Variants in FGD4 observed in about 807,000 individuals in gnomAD.
FGD4 encodes FYVE, RhoGEF and PH domain containing 4, also known as FYVE, RhoGEF and PH domain-containing protein 4.
In FGD4, 42 loss-of-function variants were observed where a neutral mutation model predicts 102.0. The observed-to-expected ratio is 0.41, with a 90% CI of 0.32 to 0.53. The LOEUF (loss-of-function observed/expected upper bound fraction) is 0.53. Among genes scored for constraint, FGD4 ranks in the 20% least tolerant of loss-of-function variants. FGD4 has a pLI of 0.21. For synonymous variants in FGD4, 380 were observed against 375.7 expected (o/e 1.01, Z -0.13); for missense variants, 902 against 1,078.2 (o/e 0.84, Z 2.29).
At chr12:32,631,567 C>G (rs140303080) in intron 14 of FGD4, among the ~76,000 whole-genome samples, 2,479 of 147,088 alleles carry the variant, frequency 0.017, 65 homozygotes, top group African/African-American at 0.059. Flanking sequence ...TGCACTGGCG[C>G]GATCTTGGCT....
At chr12:32,597,055 T>C (rs1947962417) in intron 4 of FGD4, among the ~76,000 whole-genome samples, 1 of 152,000 alleles carries the variant, frequency 6.6e-6, no homozygotes, top group Admixed American at 6.6e-5. Context: ...ACTGACAAAA[T>C]ACAAAAATAA....
In FGD4 at chr12:32,620,520, C is replaced by CTTTCTTTCTTTCT. The variant is rs1949747434; in HGVS notation, c.1922+653_1922+654insCTTTCTTTCTTTT. 5.0e-4 allele frequency among the ~76,000 whole-genome samples: 46 copies of CTTTCTTTCTTTCT among 91,112 alleles called. 1 individual carries two copies. Among genetic ancestry groups the CTTTCTTTCTTTCT allele is most frequent in the Middle Eastern group, 6.3e-3 (1 of 158 alleles). The allele number at this position is 91,112 out of a possible 152,430, so 59.8% of individuals were successfully genotyped here. A position where few individuals can be genotyped will look rare whatever the true frequency, so the allele number is the denominator to read the frequency against. ...CTAGCCATAACCATTTTTTTTCTTTCTTTTTTTTTTTTTTTTTTTTTTTGA... is the reference window on the plus strand; with the variant it reads ...CTAGCCATAACCATTTTTTTTCTTTCTTTCTTTCTTTCTTTTTTTTTTTTTTTTTTTTTTTTGA... On this transcript the variant is annotated intron_variant, in intron 11 of 16. Coordinates refer to ENST00000534526, the MANE Select transcript of FGD4 (RefSeq NM_001370298.3).
chr12:32,535,703 G>A (rs947495610), intron 1 of FGD4, among the ~76,000 whole-genome samples: 1 of 151,880 alleles, frequency 6.6e-6, no homozygotes, highest in African/African-American at 2.4e-5. Flanking sequence ...TGAAGTTTTA[G>A]GTTCTCTTTT....
chr12:32,518,021 G>A (rs1253705019), intron 1 of FGD4, among the ~76,000 whole-genome samples: 1 of 141,838 alleles, frequency 7.1e-6, no homozygotes, highest in African/African-American at 2.6e-5. Context: ...CATCATCATA[G>A]TTTTAACATT....
intron 1 of FGD4, among the ~76,000 whole-genome samples, chr12:32,470,388 C>T (rs1283621221): frequency 6.6e-6 from 1 of 151,854 alleles, no homozygotes; most frequent in South Asian, 2.1e-4. Context: ...AGTATTCTCT[C>T]GTTGCCATGA....
chr12:32,472,887 C>T (rs765531003), intron 1 of FGD4, among the ~76,000 whole-genome samples: 2 of 152,100 alleles, frequency 1.3e-5, no homozygotes, highest in African/African-American at 2.4e-5. Context: ...CTGGTGAGGA[C>T]GTGGAGAACC....
At chr12:32,572,292 T>C (rs546175216) in intron 2 of FGD4, among the ~76,000 whole-genome samples, 1 of 152,300 alleles carries the variant, frequency 6.6e-6, no homozygotes, top group African/African-American at 2.4e-5. Context: ...AATGTTATAG[T>C]AGGTATATTG....
Position 32,556,069 on chromosome 12 carries a change from T to A in FGD4, c.167-8068T>A, listed in dbSNP as rs529487437. On this transcript the variant is annotated intron_variant, in intron 1 of 16. Coordinates refer to ENST00000534526, the MANE Select transcript of FGD4 (RefSeq NM_001370298.3). Reference sequence around the variant, plus strand: ...GTTGCCGAAGCTAGTCTCAAACTCTTATCTTAAGCAGTCCTCTCTCCGTGG... The same window carrying A: ...GTTGCCGAAGCTAGTCTCAAACTCTAATCTTAAGCAGTCCTCTCTCCGTGG... Among the ~76,000 whole-genome samples the A allele has an allele frequency of 1.4e-4, 22 of 152,228 alleles. No homozygotes were observed. In the East Asian group the frequency reaches 4.2e-3, roughly 29 times the overall value.
intron 2 of FGD4, 118 bp downstream of exon 2, chr12:32,564,407 T>G (rs922146250): frequency 4.8e-5 from 61 of 1,268,010 alleles, no homozygotes; most frequent in Non-Finnish European, 6.1e-5. Context: ...ATTGGGTACA[T>G]TATTTTTTAG....
In FGD4 at chr12:32,399,579, C is replaced by T; in HGVS notation, c.-215C>T. 1 of 1,238,508 alleles carries T rather than the reference C, an allele frequency of 8.1e-7. No individual in the cohort carries two copies. Among genetic ancestry groups the T allele is most frequent in the South Asian group, 1.6e-5 (1 of 61,844 alleles). 76.7% of individuals were successfully genotyped at this position (1,238,508 alleles called of 1,614,324 possible). A position where few individuals can be genotyped will look rare whatever the true frequency, so the allele number is the denominator to read the frequency against. On this transcript the variant is annotated 5_prime_UTR_variant, in exon 1 of 17. Transcript: ENST00000534526. ...AGCTGCAGATACCGAGACGCTGCGACTGCCGCAGGAGTCGCCGCAGCCAAA... is the reference window on the plus strand; with the variant it reads ...AGCTGCAGATACCGAGACGCTGCGATTGCCGCAGGAGTCGCCGCAGCCAAA...
At chr12:32,520,457 A>T (rs1220838795) in intron 1 of FGD4, among the ~76,000 whole-genome samples, 3 of 96,816 alleles carry the variant, frequency 3.1e-5, no homozygotes, top group African/African-American at 9.2e-5. Flanking sequence ...TTTTTTAGAG[A>T]TGGAGTCTCG....
intron 1 of FGD4, among the ~76,000 whole-genome samples, chr12:32,438,949 C>T (rs1050979939): frequency 5.3e-5 from 8 of 152,234 alleles, no homozygotes; most frequent in African/African-American, 9.6e-5. Context: ...TGGAATGATT[C>T]GATCGATTTG....
chr12:32,580,669 C>T (rs573050730), intron 3 of FGD4, among the ~76,000 whole-genome samples: 2 of 152,110 alleles, frequency 1.3e-5, no homozygotes, highest in Admixed American at 6.5e-5. Flanking sequence ...GGGCAGATCA[C>T]GAGGTCAGGA....
At chr12:32,570,240 CAAAAAAAA>C (rs150913094) in intron 2 of FGD4, among the ~76,000 whole-genome samples, 3,144 of 67,674 alleles carry the variant, frequency 0.046, 118 homozygotes, top group African/African-American at 0.15. Flanking sequence ...GACGCTGTCT[CAAAAAAAA>C]AAAAAAAAAA....
chr12:32,512,446 CAAAAA>C (rs764927551), intron 1 of FGD4, among the ~76,000 whole-genome samples: 1 of 130,276 alleles, frequency 7.7e-6, no homozygotes, highest in South Asian at 2.4e-4. Context: ...GACTCTGTCT[CAAAAA>C]AAAAAAAAAG....
chr12:32,413,380 C>T (rs1484160322), intron 1 of FGD4, among the ~76,000 whole-genome samples: 1 of 152,138 alleles, frequency 6.6e-6, no homozygotes, highest in Non-Finnish European at 1.5e-5. Context: ...CATTTACGTG[C>T]TGTGTAAATT....
chr12:32,481,818 CAAA>C (rs35076375), intron 1 of FGD4, among the ~76,000 whole-genome samples: 18 of 129,988 alleles, frequency 1.4e-4, no homozygotes, highest in Non-Finnish European at 1.1e-4. Flanking sequence ...AAGACTGTCT[CAAA>C]AAAAAAAAAA....
intron 1 of FGD4, among the ~76,000 whole-genome samples, chr12:32,496,835 G>A (rs866828131): frequency 7.9e-5 from 12 of 152,244 alleles, no homozygotes; most frequent in Admixed American, 2.6e-4. Context: ...AGGTGCTTGT[G>A]TAATTTCCTC....
At chr12:32,420,372 CT>C (rs1941586959) in intron 1 of FGD4, among the ~76,000 whole-genome samples, 1 of 152,182 alleles carries the variant, frequency 6.6e-6, no homozygotes, top group African/African-American at 2.4e-5. Context: ...TTTCCGTTCC[CT>C]TTCAATCCCT....
Sources: allele counts gnomAD v4.1 joint callset (sites outside exome capture counted in the v4.1 genomes callset), GRCh38; gene constraint gnomAD v4.1.1; transcripts MANE v1.5; gene names NCBI Gene and HGNC (gene_info 2026-07-23, HGNC 2026-07-21).